Variants in CSNK1G2 observed in about 807,000 individuals in gnomAD.
CSNK1G2 encodes the protein casein kinase 1 gamma 2.
In CSNK1G2, 11 loss-of-function variants were observed where a neutral mutation model predicts 48.0. The observed-to-expected ratio is 0.23, with a 90% CI of 0.14 to 0.38. The LOEUF is 0.38. CSNK1G2 is among the 10% of genes least tolerant of loss of function. The pLI is 1.00. For missense variants in CSNK1G2, 446 were observed against 595.5 expected (o/e 0.75, Z 2.61); for synonymous variants, 337 against 254.1 (o/e 1.33, Z -3.10).
In CSNK1G2 at chr19:1,969,802, G is replaced by A; in HGVS notation, c.30G>A (p.Gly10=). The change falls in exon 2 of 12, where the codon GGG becomes GGA. Residue 10 remains glycine, a synonymous_variant. Transcript: ENST00000255641. MDFDKKGGK[G]ETEEGRRMSK... is the part of the protein sequence containing the mutation. ...ATTTTGACAAGAAAGGAGGGAAAGG[G>A]GAGACGGAGGAGGGCCGGAGAATGT... is the stretch of plus-strand genomic sequence containing the variant. 1 of 1,309,532 alleles carries A rather than the reference G, an allele frequency of 7.6e-7. No individual in the cohort carries two copies. The highest frequency in any genetic ancestry group is 9.8e-7 in the Non-Finnish European group (1 of 1,020,580). The allele number at this position is 1,309,532 out of a possible 1,614,324, so 81.1% of individuals were successfully genotyped here. A position where few individuals can be genotyped will look rare whatever the true frequency, so the allele number is the denominator to read the frequency against.
In CSNK1G2 at chr19:1,964,818, C is replaced by T. The variant is rs576109627; in HGVS notation, c.-265-4690C>T. On this transcript the variant is annotated intron_variant, in intron 1 of 11. Transcript: ENST00000255641. ...TCGGTTCACTGCAAGCTCCCCCTCC[C>T]GGGTTCACCCCATTCTCCTGCCTCA... 2.3e-4 allele frequency among the ~76,000 whole-genome samples: 35 copies of T among 151,712 alleles called. No homozygotes were observed. In the South Asian group the frequency reaches 4.0e-3, roughly 17 times the overall value.
intron 1 of CSNK1G2, among the ~76,000 whole-genome samples, chr19:1,966,255 TG>T (rs1409195415): frequency 1.3e-5 from 2 of 152,084 alleles, no homozygotes; most frequent in Non-Finnish European, 2.9e-5. Context: ...GCGTGATCCA[TG>T]GGAGGAGGTA....
chr19:1,978,875 A>G lies in CSNK1G2; in HGVS notation c.464A>G (p.Tyr155Cys). The G allele has an allele frequency of 6.2e-7, 1 of 1,602,884 alleles. No individual in the cohort carries two copies. Among genetic ancestry groups the G allele is most frequent in the Non-Finnish European group, 8.5e-7 (1 of 1,179,290 alleles). Residue 155 changes from tyrosine (Y) to cysteine (C), a missense_variant, in exon 6 of 12, where the codon TAT becomes TGT. Coordinates refer to ENST00000255641, the MANE Select transcript of CSNK1G2 (RefSeq NM_001319.7). The surrounding 1 kb of genome is among the most constrained non-coding windows in gnomAD (Gnocchi z 7.3). ...IAIQLITRME[Y>C]VHTKSLIYRD... is the part of the protein sequence containing the mutation. ...CCCCTGCAGATCACGCGCATGGAGTATGTGCACACCAAGAGCCTAATCTAC... is the reference window on the plus strand; with the variant it reads ...CCCCTGCAGATCACGCGCATGGAGTGTGTGCACACCAAGAGCCTAATCTAC...
At chr19:1,955,777 C>T (rs2050010032) in intron 1 of CSNK1G2, among the ~76,000 whole-genome samples, 1 of 152,190 alleles carries the variant, frequency 6.6e-6, no homozygotes, top group Non-Finnish European at 1.5e-5. Context: ...CTCCGGGCTC[C>T]ATCTGCAAAG....
At chr19:1,951,346 T>C (rs1486957692) in intron 1 of CSNK1G2, among the ~76,000 whole-genome samples, 1 of 143,320 alleles carries the variant, frequency 7.0e-6, no homozygotes, top group Admixed American at 7.0e-5. Flanking sequence ...GAGCTTGCAG[T>C]GAGCCGAGAT....
chr19:1,980,768 G>A lies in CSNK1G2; in HGVS notation c.*565G>A, dbSNP rs2015960609. 1 of 153,544 alleles carries A rather than the reference G, an allele frequency of 6.5e-6. No homozygotes were observed. The highest frequency in any genetic ancestry group is 2.0e-4 in the South Asian group (1 of 4,988). The allele number at this position is 153,544 out of a possible 1,614,324, so 9.5% of individuals were successfully genotyped here. A position where few individuals can be genotyped will look rare whatever the true frequency, so the allele number is the denominator to read the frequency against. On this transcript the variant is annotated 3_prime_UTR_variant, in exon 12 of 12. Coordinates refer to ENST00000255641, the MANE Select transcript of CSNK1G2 (RefSeq NM_001319.7). ...AGGCCTCCCCGAAACCAAAGGGGAA[G>A]GCAGGGGTGGGGCCGTGGCTGAAGC... is the stretch of plus-strand genomic sequence containing the variant.
At chr19:1,955,536 C>CCAGGGTGAGGCTCTGCGGGGTGGGT in intron 1 of CSNK1G2, among the ~76,000 whole-genome samples, 1 of 149,326 alleles carries the variant, frequency 6.7e-6, no homozygotes, top group South Asian at 2.1e-4. Flanking sequence ...GCGGGGTGGG[C>CCAGGGTGAGGCTCTGCGGGGTGGGT]GTGTGCCTGG....
At chr19:1,967,587 C>T (rs753576082) in intron 1 of CSNK1G2, among the ~76,000 whole-genome samples, 68 of 152,124 alleles carry the variant, frequency 4.5e-4, no homozygotes, top group Admixed American at 9.2e-4. Context: ...TTGAGGGCGA[C>T]GAGGTGACAG....
chr19:1,977,135 G>C (rs1458341198), intron 2 of CSNK1G2, among the ~76,000 whole-genome samples: 1 of 152,240 alleles, frequency 6.6e-6, no homozygotes, highest in Non-Finnish European at 1.5e-5. Flanking sequence ...GAGAGACGGG[G>C]CTGCCCCACA....
At chr19:1,946,107 G>A (rs954450040) in intron 1 of CSNK1G2, among the ~76,000 whole-genome samples, 1 of 152,004 alleles carries the variant, frequency 6.6e-6, no homozygotes, top group South Asian at 2.1e-4. Context: ...GGCCTATCCC[G>A]GGGAGGTCAC....
At chr19:1,979,717 G>A in intron 9 of CSNK1G2, 35 bp from the exon 10 acceptor site, 1 of 1,603,240 alleles carries the variant, frequency 6.2e-7, no homozygotes, top group Non-Finnish European at 8.5e-7. Context: ...AACCGGCGCT[G>A]CAGCCCATCC....
chr19:1,970,986 G>A (rs1599321461), intron 2 of CSNK1G2, among the ~76,000 whole-genome samples: 3 of 152,324 alleles, frequency 2.0e-5, no homozygotes, highest in African/African-American at 7.2e-5. Flanking sequence ...GCATCTTCAA[G>A]AGCGGCCGCC....
chr19:1,971,856 G>A (rs1362828694), intron 2 of CSNK1G2, among the ~76,000 whole-genome samples: 3 of 144,852 alleles, frequency 2.1e-5, no homozygotes, highest in Non-Finnish European at 4.5e-5. Context: ...TGCAAGCTCC[G>A]CGTCCCGGGT....
chr19:1,975,150 T>G (rs1030058194), intron 2 of CSNK1G2: 4 of 985,470 alleles, frequency 4.1e-6, no homozygotes, highest in Non-Finnish European at 4.8e-6. Context: ...CACCATCAGA[T>G]GCATCAGAGC....
intron 1 of CSNK1G2, chr19:1,942,424 G>A (rs57249689): frequency 2.4e-4 from 36 of 152,562 alleles, no homozygotes; most frequent in African/African-American, 8.7e-4. Context: ...CGGGCCGGAG[G>A]GTTGTCTGTG....
Position 1,969,657 on chromosome 19 carries a change from G to A in CSNK1G2, c.-116G>A, listed in dbSNP as rs534537653. 1.2e-5 allele frequency: 12 copies of A among 965,700 alleles called. 1 individual carries two copies. The Middle Eastern group carries it at 1.5e-3, about 119-fold the overall frequency. 59.8% of individuals were successfully genotyped at this position (965,700 alleles called of 1,614,324 possible). On this transcript the variant is annotated 5_prime_UTR_variant, in exon 2 of 12. Coordinates refer to ENST00000255641, the MANE Select transcript of CSNK1G2 (RefSeq NM_001319.7). ...AGCTGGGAGCCACGGGCCCACGCCC[G>A]CCCACCGGCCGCAGTGATGTTCTAG...
chr19:1,954,801 G>GTTGGCGCCCGGGAGCCATCC (rs1568186331), intron 1 of CSNK1G2: 1 of 152,254 alleles, frequency 6.6e-6, no homozygotes, highest in African/African-American at 2.4e-5. Context: ...CAATCCCCTC[G>GTTGGCGCCCGGGAGCCATCC]TTGGCGCCCG....
chr19:1,947,687 G>T (rs1412796249), intron 1 of CSNK1G2, among the ~76,000 whole-genome samples: 1 of 152,206 alleles, frequency 6.6e-6, no homozygotes, highest in African/African-American at 2.4e-5. Context: ...GCCAGCCAGA[G>T]CCCTGGAGCC....
intron 1 of CSNK1G2, among the ~76,000 whole-genome samples, chr19:1,964,345 T>G (rs1403974772): frequency 6.6e-6 from 1 of 151,754 alleles, no homozygotes; most frequent in Non-Finnish European, 1.5e-5. Flanking sequence ...TAAGTGTTCC[T>G]TGAGACGTGT....
Sources: gnomAD v4.1 joint callset for allele counts (sites outside exome capture counted in the v4.1 genomes callset) on GRCh38, gnomAD v4.1.1 for gene constraint, Gnocchi (gnomAD v3.1) non-coding constraint, MANE v1.5 for transcripts, NCBI Gene and HGNC (gene_info 2026-07-23, HGNC 2026-07-21) for gene names.